The following PTPRB variants were observed in gnomAD, a reference collection of about 807,000 sequenced individuals.
PTPRB encodes protein tyrosine phosphatase receptor type B.
In PTPRB, 97 loss-of-function variants were observed where a neutral mutation model predicts 238.1. The ratio of observed to expected loss-of-function variants is 0.41; its 90% CI spans 0.35 to 0.48. PTPRB has a LOEUF of 0.48. Among genes scored for constraint, PTPRB ranks in the 20% least tolerant of loss-of-function variants. The pLI is 0.30. For missense variants in PTPRB, 2,292 were observed against 2,681.9 expected, an observed-to-expected ratio of 0.85 and a Z score of 3.21; for synonymous variants, 970 against 995.4, an observed-to-expected ratio of 0.97 and a Z score of 0.48.
chr12:70,623,511 T>G (rs1885039416), intron 2 of PTPRB, among the ~76,000 whole-genome samples: 1 of 152,202 alleles, frequency 6.6e-6, no homozygotes, highest in Non-Finnish European at 1.5e-5. Flanking sequence ...TGCTGGTTTT[T>G]GGGCTGCACT....
intron 9 of PTPRB, among the ~76,000 whole-genome samples, chr12:70,586,521 A>T (rs1017629827): frequency 3.9e-5 from 6 of 152,190 alleles, no homozygotes; most frequent in African/African-American, 1.4e-4. Flanking sequence ...GCTCCTTTCT[A>T]AAGCCAATTC....
chr12:70,626,488 T>C (rs761366968), intron 2 of PTPRB, among the ~76,000 whole-genome samples: 4 of 151,534 alleles, frequency 2.6e-5, no homozygotes, highest in Admixed American at 6.6e-5. Context: ...CAATTGCAGA[T>C]CAAACATATT....
At chr12:70,577,828 CTAGATA>C (rs1340272725) in intron 10 of PTPRB, among the ~76,000 whole-genome samples, 3 of 152,108 alleles carry the variant, frequency 2.0e-5, no homozygotes, top group African/African-American at 7.2e-5. Flanking sequence ...TGGACATTTC[CTAGATA>C]TAAAGTTGAA....
intron 2 of PTPRB, among the ~76,000 whole-genome samples, chr12:70,633,755 A>G (rs1000897544): frequency 6.6e-6 from 1 of 152,142 alleles, no homozygotes; most frequent in Non-Finnish European, 1.5e-5. Context: ...TACTAGACAT[A>G]TTTGTATGAG....
chr12:70,625,397 G>A (rs1261766588), intron 2 of PTPRB, among the ~76,000 whole-genome samples: 1 of 152,006 alleles, frequency 6.6e-6, no homozygotes, highest in Non-Finnish European at 1.5e-5. Context: ...AAGTTTCTCA[G>A]GTGATTCCTA....
chr12:70,565,275 C>T (rs1468836243), intron 15 of PTPRB, among the ~76,000 whole-genome samples: 1 of 152,184 alleles, frequency 6.6e-6, no homozygotes, highest in Non-Finnish European at 1.5e-5. Flanking sequence ...GATAAAATTC[C>T]TGAGGAAGGC....
At chr12:70,579,712 A>G (rs1377716470) in intron 10 of PTPRB, among the ~76,000 whole-genome samples, 1 of 151,680 alleles carries the variant, frequency 6.6e-6, no homozygotes, top group African/African-American at 2.4e-5. Flanking sequence ...AAAAAAAAAA[A>G]AAAGAAACAT....
At chr12:70,554,985 G>A (rs1592460223) in intron 20 of PTPRB, among the ~76,000 whole-genome samples, 175 bp downstream of exon 20, 1 of 152,150 alleles carries the variant, frequency 6.6e-6, no homozygotes, top group Admixed American at 6.5e-5. Context: ...TGCCCAAAGA[G>A]CCTTTGAGCA....
At chr12:70,562,216 C>T (rs974463623) in intron 16 of PTPRB, among the ~76,000 whole-genome samples, 6 of 152,158 alleles carry the variant, frequency 3.9e-5, no homozygotes, top group South Asian at 4.1e-4. Context: ...CCCAGGTGGT[C>T]GAGGCTGCAG....
intron 10 of PTPRB, among the ~76,000 whole-genome samples, chr12:70,579,505 T>C (rs1174614726): frequency 6.6e-6 from 1 of 152,076 alleles, no homozygotes; most frequent in East Asian, 1.9e-4. Context: ...GAGACCATCC[T>C]GGCCAACAAG....
chr12:70,555,835 C>T (rs1191287488), intron 19 of PTPRB, 35 bp downstream of exon 19: 1 of 1,604,516 alleles, frequency 6.2e-7, no homozygotes, highest in Non-Finnish European at 8.5e-7. Flanking sequence ...ACTCCAGTGA[C>T]AGGAGGCTCT....
At position 70,548,755 on chromosome 12, in the gene PTPRB, G is replaced by A. The variant is rs149345740; in HGVS notation, c.5387+4022C>T. ...TAGCACCCACCCACAGTCCTCTCTC[G>A]TCCTATCATCCCAGTCTACTCCTTT... On this transcript the variant is annotated intron_variant, in intron 21 of 33. Coordinates refer to ENST00000334414, the MANE Select transcript of PTPRB (RefSeq NM_001109754.4). Among the ~76,000 whole-genome samples the A allele has an allele frequency of 7.9e-5, 12 of 152,124 alleles. No individual in the cohort carries two copies. In the East Asian group the frequency reaches 1.5e-3, roughly 20 times the overall value.
chr12:70,574,307 GT>G (rs754238513), intron 11 of PTPRB, among the ~76,000 whole-genome samples: 72 of 152,260 alleles, frequency 4.7e-4, no homozygotes, highest in Non-Finnish European at 2.5e-4. Flanking sequence ...GTTGCCTTGT[GT>G]TTACTGATTA....
Position 70,526,169 on chromosome 12 carries a change from G to A in PTPRB, c.6505-1578C>T, listed in dbSNP as rs766184482. On this transcript the variant is annotated intron_variant, in intron 32 of 33. Coordinates refer to ENST00000334414, the MANE Select transcript of PTPRB (RefSeq NM_001109754.4). The stretch of plus-strand genomic sequence containing the variant: ...CATGGGACTATATAAGGTAGGTCTG[G>A]TATAATCAATAGATAAGAACATTTA... 2.6e-5 allele frequency among the ~76,000 whole-genome samples: 4 copies of A among 152,014 alleles called. No homozygotes were observed. The East Asian group carries it at 5.8e-4, about 22-fold the overall frequency.
intron 11 of PTPRB, among the ~76,000 whole-genome samples, chr12:70,575,176 A>G (rs1238169853): frequency 6.6e-6 from 1 of 152,202 alleles, no homozygotes; most frequent in Non-Finnish European, 1.5e-5. Context: ...TGGAATGGAC[A>G]GCACTGGAGC....
intron 27 of PTPRB, chr12:70,538,439 G>A: frequency 1.9e-6 from 1 of 529,730 alleles, no homozygotes; most frequent in South Asian, 2.9e-5. Flanking sequence ...GAGACAACAT[G>A]AAGCCCCATC....
intron 3 of PTPRB, among the ~76,000 whole-genome samples, chr12:70,612,352 G>A (rs1291290038): frequency 6.6e-6 from 1 of 152,156 alleles, no homozygotes; most frequent in East Asian, 1.9e-4. Flanking sequence ...GGAAGTATAG[G>A]ACTGAAAAAA....
intron 20 of PTPRB, among the ~76,000 whole-genome samples, chr12:70,554,665 CTTT>C (rs1166131852): frequency 6.6e-6 from 1 of 152,128 alleles, no homozygotes; most frequent in Non-Finnish European, 1.5e-5. Context: ...TCTTTTCCTT[CTTT>C]TAAGCTTTTG....
At position 70,521,517 on chromosome 12, in the gene PTPRB, A is replaced by C. The variant is rs1374897361; in HGVS notation, c.6626-6T>G. ...ATGCCTTGAATAGACTGGATCTGAA[A>C]GGAAGAACACTGTAATTAGAGACTG... On this transcript the variant is annotated splice_polypyrimidine_tract_variant and splice_region_variant and intron_variant, in intron 33 of 33. Transcript: ENST00000334414. 6.5e-7 allele frequency: 1 copy of C among 1,542,620 alleles called. No homozygotes were observed. The highest frequency in any genetic ancestry group is 8.7e-7 in the Non-Finnish European group (1 of 1,144,266).
Sources: allele counts gnomAD v4.1 joint callset (sites outside exome capture counted in the v4.1 genomes callset), GRCh38; gene constraint gnomAD v4.1.1; transcripts MANE v1.5; gene names NCBI Gene and HGNC (gene_info 2026-07-23, HGNC 2026-07-21).